Variants in GNAO1 observed in about 807,000 individuals in gnomAD.
GNAO1 encodes guanine nucleotide-binding protein G(o) subunit alpha.
For missense variants in GNAO1, 166 were observed against 478.7 expected, an observed-to-expected ratio of 0.35 and a Z score of 6.10; for synonymous variants, 164 against 180.7, an observed-to-expected ratio of 0.91 and a Z score of 0.74.
At chr16:56,327,817 G>T (rs2037650976) in intron 3 of GNAO1, among the ~76,000 whole-genome samples, 1 of 152,222 alleles carries the variant, frequency 6.6e-6, no homozygotes, top group Non-Finnish European at 1.5e-5. Flanking sequence ...GGAGGAGGCA[G>T]AGGAGGAGAG....
intron 3 of GNAO1, among the ~76,000 whole-genome samples, chr16:56,278,570 G>C (rs1264025604): frequency 6.6e-6 from 1 of 152,172 alleles, no homozygotes; most frequent in Non-Finnish European, 1.5e-5. Context: ...GCTGGTGTGG[G>C]GGCAGCTCAG....
At position 56,346,099 on chromosome 16, in the gene GNAO1, TC is replaced by T; in HGVS notation, c.724-5283del. 3.0e-6 allele frequency: 3 copies of T among 985,532 alleles called. No individual in the cohort carries two copies. In the South Asian group the frequency reaches 1.4e-4, roughly 46 times the overall value. 61.0% of individuals were successfully genotyped at this position (985,532 alleles called of 1,614,324 possible). A position where few individuals can be genotyped will look rare whatever the true frequency, so the allele number is the denominator to read the frequency against. On this transcript the variant is annotated intron_variant, in intron 6 of 8. Transcript: ENST00000262493. Reference sequence around the variant, plus strand: ...CCTGCCTTTCTCTTCCTTTGGATGCTCCATCCTCCTTGGTTTCTTGCACTGC... The same window carrying T: ...CCTGCCTTTCTCTTCCTTTGGATGCTCATCCTCCTTGGTTTCTTGCACTGC...
chr16:56,328,385 C>T (rs1447287017), intron 3 of GNAO1, among the ~76,000 whole-genome samples: 3 of 152,150 alleles, frequency 2.0e-5, no homozygotes, highest in Non-Finnish European at 4.4e-5. Flanking sequence ...TCTGGGGCCC[C>T]ATGGGCTGCA....
chr16:56,216,602 C>G (rs2036438839), intron 2 of GNAO1, among the ~76,000 whole-genome samples: 1 of 152,192 alleles, frequency 6.6e-6, no homozygotes, highest in South Asian at 2.1e-4. Flanking sequence ...TTTTTACCCA[C>G]TATAAAATGG....
At position 56,340,639 on chromosome 16, in the gene GNAO1, G is replaced by C. The variant is rs567806913; in HGVS notation, c.723+3779G>C. 31 of 615,654 alleles carry C rather than the reference G, an allele frequency of 5.0e-5. No homozygotes were observed. The South Asian group carries it at 6.3e-4, about 12-fold the overall frequency. The allele number at this position is 615,654 out of a possible 1,614,324, so 38.1% of individuals were successfully genotyped here. ...CCCTGCTCCGCCCCGCCCTGCCTGC[G>C]TGTGGAATGAAACAGGACCACGTCC... is the stretch of plus-strand genomic sequence containing the variant. On this transcript the variant is annotated intron_variant, in intron 6 of 8. Coordinates refer to ENST00000262493, the MANE Select transcript of GNAO1 (RefSeq NM_020988.3).
chr16:56,318,742 G>T (rs2037540237), intron 3 of GNAO1, among the ~76,000 whole-genome samples: 1 of 152,212 alleles, frequency 6.6e-6, no homozygotes, highest in African/African-American at 2.4e-5. Flanking sequence ...TATCATGCTT[G>T]CCTAGAAAGT....
chr16:56,338,434 C>T (rs1404814438), intron 6 of GNAO1, among the ~76,000 whole-genome samples: 1 of 152,264 alleles, frequency 6.6e-6, no homozygotes, highest in Non-Finnish European at 1.5e-5. Context: ...GCTTCCTGGC[C>T]ATGTGCCCCT....
At chr16:56,248,390 C>T (rs976065986) in intron 2 of GNAO1, among the ~76,000 whole-genome samples, 1 of 152,154 alleles carries the variant, frequency 6.6e-6, no homozygotes. Flanking sequence ...GTGTCCAAAG[C>T]CATGTACTGA....
chr16:56,292,920 G>T (rs1325330289), intron 3 of GNAO1, among the ~76,000 whole-genome samples: 2 of 152,240 alleles, frequency 1.3e-5, no homozygotes, highest in African/African-American at 4.8e-5. Context: ...CCTCAACATA[G>T]TGAACGTTAG....
chr16:56,210,082 A>G (rs1003061300), intron 2 of GNAO1, among the ~76,000 whole-genome samples: 2 of 152,302 alleles, frequency 1.3e-5, no homozygotes, highest in African/African-American at 4.8e-5. Flanking sequence ...GCTACCAGGA[A>G]TGTTTTTACT....
At chr16:56,219,806 G>C (rs1339093200) in intron 2 of GNAO1, among the ~76,000 whole-genome samples, 1 of 152,142 alleles carries the variant, frequency 6.6e-6, no homozygotes, top group Non-Finnish European at 1.5e-5. Flanking sequence ...CCTTGAGAGA[G>C]AAGCATCTGG....
intron 2 of GNAO1, among the ~76,000 whole-genome samples, chr16:56,217,577 T>C (rs959747972): frequency 5.3e-5 from 8 of 152,172 alleles, no homozygotes; most frequent in African/African-American, 1.9e-4. Flanking sequence ...AAGTATTGAA[T>C]GAGTGTTTGT....
intron 1 of GNAO1, 54 bp from the exon 2 acceptor site, chr16:56,192,518 CCT>C (rs1372477040): frequency 2.6e-6 from 3 of 1,157,832 alleles, no homozygotes; most frequent in Non-Finnish European, 3.9e-6. Context: ...CCCCCCTCCC[CCT>C]GTTCCCTTAA....
chr16:56,214,260 C>T (rs545839778), intron 2 of GNAO1, among the ~76,000 whole-genome samples: 1 of 152,294 alleles, frequency 6.6e-6, no homozygotes, highest in African/African-American at 2.4e-5. Flanking sequence ...CCCATATCAG[C>T]ATTACCAGAC....
chr16:56,277,708 G>T (rs374371712), intron 3 of GNAO1, among the ~76,000 whole-genome samples: 6 of 151,040 alleles, frequency 4.0e-5, no homozygotes, highest in African/African-American at 1.5e-4. Flanking sequence ...GTCTCCCTTT[G>T]ACTAAGTGGG....
chr16:56,234,350 T>A (rs137979980), intron 2 of GNAO1, among the ~76,000 whole-genome samples: 49 of 152,372 alleles, frequency 3.2e-4, no homozygotes, highest in Middle Eastern at 3.4e-3. Flanking sequence ...GCCCTTAGGC[T>A]GAGGGTACTC....
intron 2 of GNAO1, among the ~76,000 whole-genome samples, chr16:56,240,292 ATGGTCATGGAAGGAT>A (rs1366169148): frequency 1.2e-4 from 18 of 152,068 alleles, no homozygotes; most frequent in Middle Eastern, 3.2e-3. Context: ...GCTTGTCTGT[ATGGTCATGGAAGGAT>A]TTTTTCTGCC....
intron 2 of GNAO1, among the ~76,000 whole-genome samples, chr16:56,242,464 G>C (rs953877978): frequency 1.3e-5 from 2 of 152,118 alleles, no homozygotes; most frequent in African/African-American, 4.8e-5. Context: ...ACTAGCAAAA[G>C]AATAGGCATC....
rs922997805 is a variant in GNAO1, at chr16:56,345,425, G to T, written c.724-5959G>T. 5 of 985,672 alleles carry T rather than the reference G, an allele frequency of 5.1e-6. No homozygotes were observed. In the Admixed American group the frequency reaches 2.5e-4, roughly 48 times the overall value. The allele number at this position is 985,672 out of a possible 1,614,324, so 61.1% of individuals were successfully genotyped here. On this transcript the variant is annotated intron_variant, in intron 6 of 8. Coordinates refer to ENST00000262493, the MANE Select transcript of GNAO1 (RefSeq NM_020988.3). ...CAGGGCCCCTGGGTTTCCACTTGCA[G>T]CCCCCGGACTGCCCCAGAGCCGGGA...
Sources: gnomAD v4.1 joint callset for allele counts (sites outside exome capture counted in the v4.1 genomes callset) on GRCh38, gnomAD v4.1.1 for gene constraint, MANE v1.5 for transcripts, NCBI Gene and HGNC (gene_info 2026-07-23, HGNC 2026-07-21) for gene names.